The following PLXDC1 variants were observed in gnomAD, a reference collection of about 807,000 sequenced individuals.
The protein encoded by PLXDC1 is plexin domain containing 1.
Under a neutral mutation model 61.3 loss-of-function variants are expected in PLXDC1, and 39 were observed. The ratio of observed to expected loss-of-function variants is 0.64; its 90% CI spans 0.49 to 0.83. PLXDC1 has a LOEUF of 0.83. Among genes scored for constraint, PLXDC1 ranks in the 40% least tolerant of loss-of-function variants. The probability of loss-of-function intolerance (pLI) is 0.00; values close to 1 mark genes in which losing one functional copy is unlikely to be tolerated. For synonymous variants in PLXDC1, 212 were observed against 254.5 expected, an observed-to-expected ratio of 0.83 and a Z score of 1.59; for missense variants, 596 against 666.5, an observed-to-expected ratio of 0.89 and a Z score of 1.17.
chr17:39,117,897 A>C (rs1407858888), intron 2 of PLXDC1, among the ~76,000 whole-genome samples: 1 of 152,168 alleles, frequency 6.6e-6, no homozygotes, highest in East Asian at 1.9e-4. Flanking sequence ...AAGAGACTTC[A>C]GCTGGGGCAG....
intron 6 of PLXDC1, among the ~76,000 whole-genome samples, chr17:39,107,121 C>T (rs1910621769): frequency 1.3e-5 from 2 of 152,216 alleles, no homozygotes; most frequent in South Asian, 4.1e-4. Flanking sequence ...CAAAGCCTCC[C>T]CTGGCCTCTG....
At chr17:39,101,365 G>A (rs1393894499) in intron 7 of PLXDC1, among the ~76,000 whole-genome samples, 2 of 152,168 alleles carry the variant, frequency 1.3e-5, no homozygotes, top group Non-Finnish European at 2.9e-5. Flanking sequence ...CCAAGTCTAG[G>A]CCACTGGGGC....
At chr17:39,151,672 G>T, upstream of PLXDC1, 1 of 202,078 alleles carries the variant, frequency 4.9e-6, no homozygotes, top group Non-Finnish European at 9.2e-6. This position sits in a 1 kb window ranked among gnomAD's most constrained non-coding sequence, Gnocchi z 5.2. Context: ...GGGTCGGTGG[G>T]GGTGGGGGGG....
In PLXDC1 at chr17:39,122,378, CAAAAAAAAAAAAA is replaced by C. The variant is rs71141762; in HGVS notation, c.256-13000_256-12988del. On this transcript the variant is annotated intron_variant, in intron 2 of 13. Coordinates refer to ENST00000315392, the MANE Select transcript of PLXDC1 (RefSeq NM_020405.5). ...TGGGTGACAGAGCGAGACTCTGTCT[CAAAAAAAAAAAAA>C]AAAAAAAAAAAAAGACTGGGGTGCC... Among the ~76,000 whole-genome samples the C allele has an allele frequency of 2.2e-4, 8 of 36,522 alleles. No individual in the cohort carries two copies. In the Admixed American group the frequency reaches 2.3e-3, roughly 10 times the overall value. 24.0% of individuals were successfully genotyped at this position (36,522 alleles called of 152,430 possible). A position where few individuals can be genotyped will look rare whatever the true frequency, so the allele number is the denominator to read the frequency against.
In PLXDC1 at chr17:39,109,285, A is replaced by C. The variant is rs1910710995; in HGVS notation, c.362T>G (p.Ile121Ser). 1 of 1,613,088 alleles carries C rather than the reference A, an allele frequency of 6.2e-7. No homozygotes were observed. Among genetic ancestry groups the C allele is most frequent in the East Asian group, 2.2e-5 (1 of 44,862 alleles). Residue 121 changes from isoleucine (I) to serine (S), a missense_variant, in exon 3 of 14, where the codon ATC becomes AGC. Transcript: ENST00000315392. Reference sequence around the variant, plus strand: ...GTGGGTGTTGGAGAGTATTGTGTGGATCTTCACTTGGCTCCGGTTGGCCTC... The same window carrying C: ...GTGGGTGTTGGAGAGTATTGTGTGGCTCTTCACTTGGCTCCGGTTGGCCTC... ...VAEANRSQVKIHTILSNTHRQ... is the reference protein window; with the variant it reads ...VAEANRSQVKSHTILSNTHRQ...
chr17:39,119,954 G>A, intron 2 of PLXDC1, among the ~76,000 whole-genome samples: 1 of 151,918 alleles, frequency 6.6e-6, no homozygotes, highest in East Asian at 1.9e-4. Flanking sequence ...TAATGGGATG[G>A]GAGACCAGAC....
chr17:39,145,367 C>A (rs1017699911), intron 1 of PLXDC1, among the ~76,000 whole-genome samples: 1 of 152,164 alleles, frequency 6.6e-6, no homozygotes, highest in Non-Finnish European at 1.5e-5. Context: ...CCAGGTTGTG[C>A]GGCCCCAGAG....
chr17:39,151,975 T>C (rs1189243334), upstream of PLXDC1, among the ~76,000 whole-genome samples: 1 of 152,088 alleles, frequency 6.6e-6, no homozygotes, highest in African/African-American at 2.4e-5. The surrounding 1 kb of genome is among the most constrained non-coding windows in gnomAD (Gnocchi z 5.2). Context: ...GCCCCATCCC[T>C]GGGTCACGGG....
At chr17:39,096,464 C>T (rs1910205853) in intron 7 of PLXDC1, among the ~76,000 whole-genome samples, 1 of 152,228 alleles carries the variant, frequency 6.6e-6, no homozygotes, top group Admixed American at 6.5e-5. Context: ...CTTCTCCCTG[C>T]ACCCACTTCC....
chr17:39,108,254 G>A lies in PLXDC1; in HGVS notation c.470-9C>T. On this transcript the variant is annotated splice_polypyrimidine_tract_variant and intron_variant, in intron 4 of 13. Transcript: ENST00000315392. ...CCCCATGAAGATGAAGCCTAGGGTG[G>A]GAGAGGTGCAGAGGAGTCACCAGAA... 6.2e-7 allele frequency: 1 copy of A among 1,613,664 alleles called. No homozygotes were observed. Among genetic ancestry groups the A allele is most frequent in the Non-Finnish European group, 8.5e-7 (1 of 1,179,998 alleles).
At position 39,096,757 on chromosome 17, in the gene PLXDC1, G is replaced by A. The variant is rs994170386; in HGVS notation, c.812-9055C>T. On this transcript the variant is annotated intron_variant, in intron 7 of 13. Coordinates refer to ENST00000315392, the MANE Select transcript of PLXDC1 (RefSeq NM_020405.5). ...CTAATTCAGAATCCCTGTCAGTTTC[G>A]ATGTTGGCAATGCTAAAGTTGCTTT... 15 of 358,422 alleles carry A rather than the reference G, an allele frequency of 4.2e-5. 1 individual carries two copies. Among genetic ancestry groups the A allele is most frequent in the African/African-American group, 2.3e-4 (11 of 46,976 alleles). 22.2% of individuals were successfully genotyped at this position (358,422 alleles called of 1,614,324 possible).
At chr17:39,142,989 T>C (rs1191879152) in intron 1 of PLXDC1, among the ~76,000 whole-genome samples, 2 of 151,912 alleles carry the variant, frequency 1.3e-5, no homozygotes, top group Non-Finnish European at 2.9e-5. Context: ...AATACAAAAA[T>C]TAGCCGGGCA....
intron 2 of PLXDC1, among the ~76,000 whole-genome samples, chr17:39,129,435 G>A (rs188016779): frequency 3.9e-4 from 59 of 151,724 alleles, no homozygotes; most frequent in South Asian, 2.1e-3. Context: ...TGGATAACAC[G>A]GTGAAACACC....
chr17:39,075,107 G>A (rs2143290332), intron 11 of PLXDC1, among the ~76,000 whole-genome samples: 1 of 152,108 alleles, frequency 6.6e-6, no homozygotes, highest in Non-Finnish European at 1.5e-5. Context: ...TTACACATGT[G>A]CGCCACCACG....
chr17:39,123,194 G>A (rs1281405987), intron 2 of PLXDC1, among the ~76,000 whole-genome samples: 3 of 152,084 alleles, frequency 2.0e-5, no homozygotes, highest in African/African-American at 7.2e-5. Flanking sequence ...TTCTTGCAAG[G>A]TTCCTCTTTT....
At chr17:39,116,552 T>G (rs1910972730) in intron 2 of PLXDC1, among the ~76,000 whole-genome samples, 1 of 152,194 alleles carries the variant, frequency 6.6e-6, no homozygotes, top group Non-Finnish European at 1.5e-5. Context: ...AGCTGCCTCC[T>G]CTGGGAATCC....
chr17:39,140,914 A>T (rs1270158564), intron 1 of PLXDC1, among the ~76,000 whole-genome samples: 1 of 152,240 alleles, frequency 6.6e-6, no homozygotes, highest in Non-Finnish European at 1.5e-5. Flanking sequence ...ATTCAGTAAC[A>T]TTAAATACAT....
intron 2 of PLXDC1, among the ~76,000 whole-genome samples, chr17:39,124,128 C>T (rs1188998686): frequency 2.0e-5 from 3 of 152,128 alleles, no homozygotes; most frequent in East Asian, 1.9e-4. Context: ...ACTGGGAGCC[C>T]GTTAGAAATT....
In PLXDC1 at chr17:39,106,193, C is replaced by A. The variant is rs538012904; in HGVS notation, c.712-240G>T. Among the ~76,000 whole-genome samples, 31 of 152,250 alleles carry A rather than the reference C, an allele frequency of 2.0e-4. 1 individual carries two copies. In the South Asian group the frequency reaches 6.4e-3, roughly 32 times the overall value. On this transcript the variant is annotated intron_variant, in intron 6 of 13. Transcript: ENST00000315392. ...CTCCATGCAGGCCGGAAACCCGGGA[C>A]ATACCCTTTTCCCTTCCCTTTCTTT...
Sources: allele counts gnomAD v4.1 joint callset (sites outside exome capture counted in the v4.1 genomes callset), GRCh38; gene constraint gnomAD v4.1.1; non-coding constraint Gnocchi (gnomAD v3.1); transcripts MANE v1.5; gene names NCBI Gene and HGNC (gene_info 2026-07-23, HGNC 2026-07-21).